The following VARS1 variants were observed in gnomAD, a reference collection of about 807,000 sequenced individuals.
VARS1 encodes valyl-tRNA synthetase 1, also known as valine--tRNA ligase.
Under a neutral mutation model 161.0 loss-of-function variants are expected in VARS1, and 92 were observed. That is an observed-to-expected ratio of 0.57 (90% CI 0.48 to 0.68). VARS1 has a LOEUF of 0.68. VARS1 is among the 30% of genes least tolerant of loss of function. The pLI is 0.00. For missense variants in VARS1, 1,338 were observed against 1,695.9 expected (o/e 0.79, Z 3.71); for synonymous variants, 595 against 682.5 (o/e 0.87, Z 2.00).
rs1355973938 is a variant in VARS1 at position 31,784,612 on chromosome 6, C to T, written c.1450G>A (p.Ala484Thr). ...LVNWSCTLNS[A>T]ISDIEVDKKE... ...GGGCGCACCTCAATGTCAGAGATGG[C>T]GGAGTTGAGGGTGCAGGACCAGTTA... Residue 484 changes from alanine (A) to threonine (T), a missense_variant, in exon 11 of 30, where the codon GCC becomes ACC. This residue lies in a region of VARS1 where 902 missense variants were observed against 1,090.3 expected (regional missense o/e 0.83). Coordinates refer to ENST00000375663, the MANE Select transcript of VARS1 (RefSeq NM_006295.3). This position sits in a 1 kb window ranked among gnomAD's most constrained non-coding sequence, Gnocchi z 6.1. 3.7e-6 allele frequency: 6 copies of T among 1,613,144 alleles called. No individual in the cohort carries two copies. The highest frequency in any genetic ancestry group is 1.1e-5 in the South Asian group (1 of 91,084).
rs375086423 is a variant in VARS1 at position 31,782,258 on chromosome 6, C to G, written c.2150+27G>C. The G allele has an allele frequency of 6.2e-7, 1 of 1,610,186 alleles. No individual in the cohort carries two copies. ...GAGCCCTGCTCAGCCCTCGGCAAGC[C>G]CCTCCCACACTGAGGACCCTACACA... On this transcript the variant is annotated intron_variant, in intron 17 of 29. Coordinates refer to ENST00000375663, the MANE Select transcript of VARS1 (RefSeq NM_006295.3). This position sits in a 1 kb window ranked among gnomAD's most constrained non-coding sequence, Gnocchi z 8.3.
At position 31,782,692 on chromosome 6, in the gene VARS1, C is replaced by T; in HGVS notation, c.1887+29G>A. The T allele has an allele frequency of 6.2e-7, 1 of 1,613,044 alleles. No homozygotes were observed. Among genetic ancestry groups the T allele is most frequent in the Non-Finnish European group, 8.5e-7 (1 of 1,179,984 alleles). On this transcript the variant is annotated intron_variant, in intron 15 of 29. Transcript: ENST00000375663. This position sits in a 1 kb window ranked among gnomAD's most constrained non-coding sequence, Gnocchi z 8.3. ...CCAGCCATCCCTCCATCTCCCTGAC[C>T]CGGGCACTCTTGCCTCAGGCAGCCT...
At position 31,789,949 on chromosome 6, in the gene VARS1, G is replaced by A. The variant is rs540419645; in HGVS notation, c.1100+1661C>T. ...TGAGGCAGGAGAATGGCGTTAACGT[G>A]GGAGGCGGAGTTTGGAGCTTGCAGT... On this transcript the variant is annotated intron_variant, in intron 8 of 29. Coordinates refer to ENST00000375663, the MANE Select transcript of VARS1 (RefSeq NM_006295.3). Among the ~76,000 whole-genome samples, 5 of 151,958 alleles carry A rather than the reference G, an allele frequency of 3.3e-5. No individual in the cohort carries two copies. In the South Asian group the frequency reaches 1.0e-3, roughly 32 times the overall value.
Position 31,778,832 on chromosome 6 carries a change from G to C in VARS1, c.3726+135C>G. The C allele has an allele frequency of 8.2e-7, 1 of 1,216,668 alleles. No homozygotes were observed. The highest frequency in any genetic ancestry group is 1.1e-6 in the Non-Finnish European group (1 of 870,812). 75.4% of individuals were successfully genotyped at this position (1,216,668 alleles called of 1,614,324 possible). On this transcript the variant is annotated intron_variant, in intron 29 of 29. Coordinates refer to ENST00000375663, the MANE Select transcript of VARS1 (RefSeq NM_006295.3). The surrounding 1 kb of genome is among the most constrained non-coding windows in gnomAD (Gnocchi z 5.1). ...GTTTTGTTTTTTAAGGCTAGTGGGA[G>C]TGGAGAAGGAACAAAGAAATCTGTA...
Position 31,780,067 on chromosome 6 carries a change from G to A in VARS1, c.3012C>T (p.Ala1004=). Residue 1004 remains alanine (A), a synonymous_variant, in exon 26 of 30, where the codon GCC becomes GCT. Transcript: ENST00000375663. The surrounding 1 kb of genome is among the most constrained non-coding windows in gnomAD (Gnocchi z 5.1). The part of the protein sequence containing the change: ...AVRLSNQGFQ[A]YDFPAVTTAQ... ...CAGTGGTGACGGCCGGGAAGTCGTA[G>A]GCCTGGAAGCCTTGATTGCTGAGCC... 6.2e-7 allele frequency: 1 copy of A among 1,614,138 alleles called. No homozygotes were observed.
In VARS1 at chr6:31,792,494, T is replaced by C; in HGVS notation, c.684A>G (p.Pro228=). Residue 228 remains proline, a synonymous_variant, in exon 5 of 30, where the codon CCA becomes CCG. Coordinates refer to ENST00000375663, the MANE Select transcript of VARS1 (RefSeq NM_006295.3). ...HQPGPEAPAL[P]KTAAQLKKEA... ...CTTTCTTGAGCTGAGCAGCTGTCTTTGGGAGGGCAGGAGCCTCGGGGCCTA... is the reference window on the plus strand; with the variant it reads ...CTTTCTTGAGCTGAGCAGCTGTCTTCGGGAGGGCAGGAGCCTCGGGGCCTA... The C allele has an allele frequency of 6.2e-7, 1 of 1,613,802 alleles. No individual in the cohort carries two copies. The highest frequency in any genetic ancestry group is 8.5e-7 in the Non-Finnish European group (1 of 1,179,928).
chr6:31,784,342 T>G lies in VARS1; in HGVS notation c.1577-34A>C, dbSNP rs759596285. 1.9e-6 allele frequency: 3 copies of G among 1,613,924 alleles called. No individual in the cohort carries two copies. The African/African-American group carries it at 4.0e-5, about 22-fold the overall frequency. On this transcript the variant is annotated intron_variant, in intron 12 of 29. Transcript: ENST00000375663. This position sits in a 1 kb window ranked among gnomAD's most constrained non-coding sequence, Gnocchi z 6.1. ...ACAGAAGGCCTTGTGGTCTTGGCCT[T>G]GGCCCCTTCCTGCCACTCCCAGCCC... is the stretch of plus-strand genomic sequence containing the variant.
At chr6:31,792,545 A>G (rs772898004) in intron 4 of VARS1, 29 bp from the exon 5 acceptor site, 1 of 1,613,708 alleles carries the variant, frequency 6.2e-7, no homozygotes. Flanking sequence ...ATTCAGACTC[A>G]GCCAGCTGGG....
At chr6:31,794,194 C>T (rs1005568889) in intron 2 of VARS1, among the ~76,000 whole-genome samples, 6 of 151,780 alleles carry the variant, frequency 4.0e-5, no homozygotes, top group African/African-American at 1.2e-4. Flanking sequence ...TTTGGACAGA[C>T]ATTCTGAATG....
Position 31,781,830 on chromosome 6 carries a change from TC to T in VARS1, c.2347+16del. On this transcript the variant is annotated intron_variant, in intron 19 of 29. Coordinates refer to ENST00000375663, the MANE Select transcript of VARS1 (RefSeq NM_006295.3). This position sits in a 1 kb window ranked among gnomAD's most constrained non-coding sequence, Gnocchi z 6.8. Reference sequence around the variant, plus strand: ...GCCCCCCACAACTCCCTCCAGACCCTCAAAGCCCCGCCTTGCCTTGCTGGAG... The same window carrying T: ...GCCCCCCACAACTCCCTCCAGACCCTAAAGCCCCGCCTTGCCTTGCTGGAG... 6.2e-7 allele frequency: 1 copy of T among 1,612,978 alleles called. No individual in the cohort carries two copies. Among genetic ancestry groups the T allele is most frequent in the Non-Finnish European group, 8.5e-7 (1 of 1,180,002 alleles).
rs1222574396 is a variant in VARS1 at position 31,781,640 on chromosome 6, C to T, written c.2419-34G>A. 8 of 1,612,942 alleles carry T rather than the reference C, an allele frequency of 5.0e-6. No individual in the cohort carries two copies. Among genetic ancestry groups the T allele is most frequent in the Non-Finnish European group, 6.8e-6 (8 of 1,179,958 alleles). ...AGACCAGGGTGTGAAGGGGAGCCAA[C>T]ACCCACCCTCCAGTCCCCTGTCCCG... is the stretch of plus-strand genomic sequence containing the variant. On this transcript the variant is annotated intron_variant, in intron 20 of 29. Coordinates refer to ENST00000375663, the MANE Select transcript of VARS1 (RefSeq NM_006295.3). The surrounding 1 kb of genome is among the most constrained non-coding windows in gnomAD (Gnocchi z 6.8).
intron 4 of VARS1, 82 bp from the exon 5 acceptor site, chr6:31,792,598 T>C: frequency 4.4e-6 from 7 of 1,606,162 alleles, no homozygotes; most frequent in Non-Finnish European, 5.9e-6. Context: ...TGGGGTATTT[T>C]AGATGCCCGA....
In VARS1 at chr6:31,782,962, T is replaced by C; in HGVS notation, c.1763-117A>G. 3.3e-6 allele frequency: 5 copies of C among 1,524,668 alleles called. No individual in the cohort carries two copies. The highest frequency in any genetic ancestry group is 4.4e-6 in the Non-Finnish European group (5 of 1,133,062). 94.4% of individuals were successfully genotyped at this position (1,524,668 alleles called of 1,614,324 possible). Reference sequence around the variant, plus strand: ...CCACTCCTGGCCCCCACTTGTCTAATACAGTCCCTTGAGAACCACCCCAAG... The same window carrying C: ...CCACTCCTGGCCCCCACTTGTCTAACACAGTCCCTTGAGAACCACCCCAAG... On this transcript the variant is annotated intron_variant, in intron 14 of 29. Transcript: ENST00000375663. This position sits in a 1 kb window ranked among gnomAD's most constrained non-coding sequence, Gnocchi z 8.3.
chr6:31,781,475 C>T lies in VARS1; in HGVS notation c.2544+6G>A, dbSNP rs1813140007. ...GGCGATGGGAGGGTCTCGGCTGTCTCCGCACCTCTCTAAAGGGCAGCCTGC... is the reference window on the plus strand; with the variant it reads ...GGCGATGGGAGGGTCTCGGCTGTCTTCGCACCTCTCTAAAGGGCAGCCTGC... On this transcript the variant is annotated splice_donor_region_variant and intron_variant, in intron 21 of 29. Transcript: ENST00000375663. This position sits in a 1 kb window ranked among gnomAD's most constrained non-coding sequence, Gnocchi z 6.8. The T allele has an allele frequency of 6.2e-7, 1 of 1,611,558 alleles. No individual in the cohort carries two copies. Among genetic ancestry groups the T allele is most frequent in the South Asian group, 1.1e-5 (1 of 90,948 alleles).
chr6:31,789,544 ACTTGGCAG>A (rs1813731024), intron 8 of VARS1, among the ~76,000 whole-genome samples: 1 of 152,192 alleles, frequency 6.6e-6, no homozygotes, highest in Non-Finnish European at 1.5e-5. Context: ...CTGCAGGGCA[ACTTGGCAG>A]CTTCCGTTTG....
rs775009444 is a variant in VARS1, at chr6:31,782,082, C to T, written c.2241+5G>A. On this transcript the variant is annotated splice_donor_5th_base_variant and intron_variant, in intron 18 of 29. Transcript: ENST00000375663. The surrounding 1 kb of genome is among the most constrained non-coding windows in gnomAD (Gnocchi z 8.3). ...CCCAGCAGCTAGCTCTGGCCCTCTG[C>T]TCACCTCCCCAGGGGGCACCGCTGG... 9 of 1,612,932 alleles carry T rather than the reference C, an allele frequency of 5.6e-6. No individual in the cohort carries two copies. Among genetic ancestry groups the T allele is most frequent in the African/African-American group, 1.3e-5 (1 of 74,910 alleles).
chr6:31,780,572 G>A lies in VARS1; in HGVS notation c.2798-4C>T, dbSNP rs1377690828. 6.2e-7 allele frequency: 1 copy of A among 1,613,330 alleles called. No individual in the cohort carries two copies. Reference sequence around the variant, plus strand: ...ACATCCAGGTTGATGTCACGACCTGGGTCGGGGGTGAGATGTGAGTCCTCA... The same window carrying A: ...ACATCCAGGTTGATGTCACGACCTGAGTCGGGGGTGAGATGTGAGTCCTCA... On this transcript the variant is annotated splice_region_variant and splice_polypyrimidine_tract_variant and intron_variant, in intron 24 of 29. Coordinates refer to ENST00000375663, the MANE Select transcript of VARS1 (RefSeq NM_006295.3). This position sits in a 1 kb window ranked among gnomAD's most constrained non-coding sequence, Gnocchi z 5.1.
At position 31,781,345 on chromosome 6, in the gene VARS1, T is replaced by C. The variant is rs1439923925; in HGVS notation, c.2544+136A>G. Reference sequence around the variant, plus strand: ...CACTGAGCAGGGCCCAGGCTGGATTTCAACCCCACACCAGCCCCCGGGTCA... The same window carrying C: ...CACTGAGCAGGGCCCAGGCTGGATTCCAACCCCACACCAGCCCCCGGGTCA... On this transcript the variant is annotated intron_variant, in intron 21 of 29. Coordinates refer to ENST00000375663, the MANE Select transcript of VARS1 (RefSeq NM_006295.3). This position sits in a 1 kb window ranked among gnomAD's most constrained non-coding sequence, Gnocchi z 6.8. 1.4e-6 allele frequency: 2 copies of C among 1,399,530 alleles called. No homozygotes were observed. The highest frequency in any genetic ancestry group is 2.9e-5 in the African/African-American group (2 of 70,086). 86.7% of individuals were successfully genotyped at this position (1,399,530 alleles called of 1,614,324 possible).
At position 31,779,216 on chromosome 6, in the gene VARS1, G is replaced by T. The variant is rs765007630; in HGVS notation, c.3477C>A (p.Ser1159Arg). Residue 1159 changes from serine (S) to arginine (R), a missense_variant, in exon 29 of 30, where the codon AGC (serine) becomes AGA (arginine). Around this residue, in one of 3 missense-constraint regions of VARS1, gnomAD observed 433 missense variants for 586.2 expected, o/e 0.74. Coordinates refer to ENST00000375663, the MANE Select transcript of VARS1 (RefSeq NM_006295.3). This position sits in a 1 kb window ranked among gnomAD's most constrained non-coding sequence, Gnocchi z 9.1. ...AVSGYVQALA[S>R]AGVVAVLALG... ...GGGCCAGAACAGCCACCACACCTGC[G>T]CTGGCCAGGGCCTGCACGTAGCCCG... 1 of 1,606,796 alleles carries T rather than the reference G, an allele frequency of 6.2e-7. No homozygotes were observed. The highest frequency in any genetic ancestry group is 1.7e-5 in the Admixed American group (1 of 59,656).
Sources: gnomAD v4.1 joint callset for allele counts (sites outside exome capture counted in the v4.1 genomes callset) on GRCh38, gnomAD v4.1.1 for gene constraint, gnomAD v4.1.1 regional missense constraint, Gnocchi (gnomAD v3.1) non-coding constraint, MANE v1.5 for transcripts, NCBI Gene and HGNC (gene_info 2026-07-23, HGNC 2026-07-21) for gene names.